Variants in MBNL2 observed in about 807,000 individuals in gnomAD.
MBNL2 encodes the protein muscleblind-like protein 2.
In MBNL2, 17 loss-of-function variants were observed where a neutral mutation model predicts 41.9. The ratio of observed to expected loss-of-function variants is 0.41; its 90% CI spans 0.28 to 0.61. The LOEUF (loss-of-function observed/expected upper bound fraction) is 0.61. Ranked by LOEUF, MBNL2 falls within the 20% of genes least tolerant of loss-of-function variation. MBNL2 has a pLI of 0.35. For synonymous variants in MBNL2, 195 were observed against 182.9 expected (o/e 1.07, Z -0.53); for missense variants, 336 against 505.6 (o/e 0.66, Z 3.22).
chr13:97,242,578 C>G (rs952509864), intron 1 of MBNL2, among the ~76,000 whole-genome samples: 2 of 152,124 alleles, frequency 1.3e-5, no homozygotes, highest in Non-Finnish European at 2.9e-5. Context: ...TGAGACTTGT[C>G]CTCGGCCCCA....
chr13:97,175,538 T>C, the MBNL2 span, among the ~76,000 whole-genome samples: 4 of 152,176 alleles, frequency 2.6e-5, no homozygotes, highest in Middle Eastern at 3.2e-3. Context: ...GCCAAATTGC[T>C]GAAGATGTCA....
intron 1 of MBNL2, among the ~76,000 whole-genome samples, chr13:97,244,367 A>G (rs1472640078): frequency 1.3e-5 from 2 of 152,224 alleles, no homozygotes; most frequent in Non-Finnish European, 2.9e-5. Context: ...GCAGAGAGGA[A>G]ACCAGGCCAG....
the MBNL2 span, among the ~76,000 whole-genome samples, chr13:97,196,483 G>A: frequency 6.6e-6 from 1 of 152,088 alleles, no homozygotes; most frequent in Non-Finnish European, 1.5e-5. Flanking sequence ...GAACCTACAG[G>A]CGGTATTAAG....
intron 1 of MBNL2, among the ~76,000 whole-genome samples, chr13:97,232,116 GCTGT>G (rs1400110341): frequency 1.3e-5 from 2 of 152,304 alleles, no homozygotes; most frequent in African/African-American, 4.8e-5. Context: ...AGAAGAGACA[GCTGT>G]CTAACGAAGT....
At chr13:97,327,613 C>T (rs1475707243) in intron 2 of MBNL2, among the ~76,000 whole-genome samples, 2 of 138,648 alleles carry the variant, frequency 1.4e-5, no homozygotes, top group African/African-American at 5.6e-5. Flanking sequence ...AATGAAGCCA[C>T]AGCCAGAATT....
At chr13:97,226,467 CA>C (rs370367552) in intron 1 of MBNL2, among the ~76,000 whole-genome samples, 12 of 152,322 alleles carry the variant, frequency 7.9e-5, no homozygotes, top group African/African-American at 2.9e-4. Flanking sequence ...AAACCCAACT[CA>C]GTAACCTAAT....
At chr13:97,369,812 A>G (rs182764406) in intron 8 of MBNL2, among the ~76,000 whole-genome samples, 1 of 152,344 alleles carries the variant, frequency 6.6e-6, no homozygotes, top group African/African-American at 2.4e-5. Context: ...ACAGAATCCA[A>G]ATATGTTTGG....
chr13:97,162,865 A>G, the MBNL2 span, among the ~76,000 whole-genome samples: 8 of 152,214 alleles, frequency 5.3e-5, no homozygotes, highest in Non-Finnish European at 8.8e-5. Flanking sequence ...GGAGAAGACT[A>G]TAGACTGAGT....
the MBNL2 span, among the ~76,000 whole-genome samples, chr13:97,183,352 C>T: frequency 6.6e-6 from 1 of 152,138 alleles, no homozygotes; most frequent in African/African-American, 2.4e-5. Flanking sequence ...CTCTAGTTAC[C>T]TCTGTTCTTA....
Position 97,235,669 on chromosome 13 carries a change from C to A in MBNL2, c.-605+13138C>A, listed in dbSNP as rs912836910. On this transcript the variant is annotated intron_variant, in intron 1 of 8. Transcript: ENST00000679496. The stretch of plus-strand genomic sequence containing the variant: ...TGCCGGCGCAGCCTGTGCGCTTTGT[C>A]AGGTTAACAGAATGGAGTCCTGCTC... Among the ~76,000 whole-genome samples the A allele has an allele frequency of 5.3e-5, 8 of 152,148 alleles. No homozygotes were observed. In the East Asian group the frequency reaches 1.5e-3, roughly 29 times the overall value.
intron 3 of MBNL2, among the ~76,000 whole-genome samples, chr13:97,338,997 G>A (rs960905153): frequency 2.0e-5 from 3 of 151,716 alleles, no homozygotes; most frequent in East Asian, 3.9e-4. Context: ...GCATGTTTGC[G>A]TGAGAGTGTG....
intron 1 of MBNL2, among the ~76,000 whole-genome samples, chr13:97,223,932 T>TC (rs1328222579): frequency 1.3e-5 from 2 of 152,226 alleles, no homozygotes; most frequent in African/African-American, 4.8e-5. Flanking sequence ...GAGGAATATT[T>TC]CTTTATGTCC....
chr13:97,321,102 T>C (rs893303978), intron 2 of MBNL2, among the ~76,000 whole-genome samples: 1 of 152,186 alleles, frequency 6.6e-6, no homozygotes, highest in Non-Finnish European at 1.5e-5. Context: ...TAGGATCCCA[T>C]GCTGAGATTC....
At chr13:97,281,397 T>C (rs996299479) in intron 2 of MBNL2, among the ~76,000 whole-genome samples, 1 of 152,224 alleles carries the variant, frequency 6.6e-6, no homozygotes, top group African/African-American at 2.4e-5. Flanking sequence ...TAATACAACA[T>C]TGACAAATTT....
At chr13:97,166,818 AGATAGATAGATAGATAGAT>A in the MBNL2 span, among the ~76,000 whole-genome samples, 4 of 151,314 alleles carry the variant, frequency 2.6e-5, no homozygotes, top group African/African-American at 7.3e-5. Flanking sequence ...ATAGATAGAT[AGATAGATAGATAGATAGAT>A]AGAAAGATAG....
chr13:97,334,467 G>A lies in MBNL2; in HGVS notation c.339+27G>A. Reference sequence around the variant, plus strand: ...TGAGTACATCTTTATTCAGTGATGAGTTGGATGGTTACAGTGTTGGTATGG... The same window carrying A: ...TGAGTACATCTTTATTCAGTGATGAATTGGATGGTTACAGTGTTGGTATGG... On this transcript the variant is annotated intron_variant, in intron 3 of 8. Transcript: ENST00000679496. This position sits in a 1 kb window ranked among gnomAD's most constrained non-coding sequence, Gnocchi z 5.3. 6.4e-7 allele frequency: 1 copy of A among 1,571,444 alleles called. No homozygotes were observed. Among genetic ancestry groups the A allele is most frequent in the Non-Finnish European group, 8.7e-7 (1 of 1,153,312 alleles).
At chr13:97,364,198 A>G (rs755808259) in intron 7 of MBNL2, among the ~76,000 whole-genome samples, 21 of 152,160 alleles carry the variant, frequency 1.4e-4, no homozygotes, top group Admixed American at 2.6e-4. Flanking sequence ...TAAGACAGCT[A>G]TTTCTAAGAA....
At chr13:97,328,599 T>C (rs2153053471) in intron 2 of MBNL2, among the ~76,000 whole-genome samples, 2 of 152,332 alleles carry the variant, frequency 1.3e-5, no homozygotes, top group Middle Eastern at 6.8e-3. Flanking sequence ...CCAAGAAAAG[T>C]GTTGCTGGAG....
At chr13:97,387,254 A>G (rs1381873838) in intron 8 of MBNL2, among the ~76,000 whole-genome samples, 1 of 152,134 alleles carries the variant, frequency 6.6e-6, no homozygotes, top group African/African-American at 2.4e-5. Flanking sequence ...TAGTTTGCCA[A>G]GATTTCTCAG....
Sources: allele counts gnomAD v4.1 joint callset (sites outside exome capture counted in the v4.1 genomes callset), GRCh38; gene constraint gnomAD v4.1.1; non-coding constraint Gnocchi (gnomAD v3.1); transcripts MANE v1.5; gene names NCBI Gene and HGNC (gene_info 2026-07-23, HGNC 2026-07-21).